Variants in KANK1 observed in about 807,000 individuals in gnomAD.
The protein encoded by KANK1 is KN motif and ankyrin repeat domain-containing protein 1.
Under a neutral mutation model 106.2 loss-of-function variants are expected in KANK1, and 109 were observed. That is an observed-to-expected ratio of 1.03 (90% CI 0.88 to 1.20). KANK1 has a LOEUF of 1.20. Among genes scored for constraint, KANK1 ranks in the 50% most tolerant of loss-of-function variants. KANK1 has a pLI of 0.00. For missense variants in KANK1, 2,399 were observed against 1,710.7 expected (o/e 1.40, Z -7.10); for synonymous variants, 873 against 652.2 (o/e 1.34, Z -5.16).
intron 3 of KANK1, chr9:492,097 G>T (rs572880850): frequency 2.6e-5 from 4 of 152,362 alleles, no homozygotes; most frequent in Admixed American, 1.3e-4. Flanking sequence ...GAGTGTTCCA[G>T]GAACAGCCAG....
chr9:610,826 A>G (rs1239765406), intron 1 of KANK1, among the ~76,000 whole-genome samples: 1 of 152,168 alleles, frequency 6.6e-6, no homozygotes, highest in Non-Finnish European at 1.5e-5. Flanking sequence ...CCAGAGGCAG[A>G]GATCATGTTT....
intron 10 of KANK1, among the ~76,000 whole-genome samples, chr9:742,892 C>G (rs1357045768): frequency 6.6e-6 from 1 of 152,198 alleles, no homozygotes; most frequent in African/African-American, 2.4e-5. Flanking sequence ...CAACATATGC[C>G]AGAGCCTGCA....
intron 1 of KANK1, among the ~76,000 whole-genome samples, chr9:526,029 T>C (rs1169349998): frequency 1.3e-5 from 2 of 151,856 alleles, no homozygotes; most frequent in Non-Finnish European, 2.9e-5. Flanking sequence ...GAGTTGTGCA[T>C]GCAAACCCAC....
At chr9:696,283 C>CAA (rs752946063) in intron 2 of KANK1, among the ~76,000 whole-genome samples, 31 of 86,098 alleles carry the variant, frequency 3.6e-4, no homozygotes, top group East Asian at 3.5e-4. Context: ...GACTCCGTCT[C>CAA]AAAAAAAAAA....
At position 547,033 on chromosome 9, in the gene KANK1, G is replaced by A. The variant is rs561701026; in HGVS notation, c.-84+42279G>A. ...TCATTATCTCAACAATGTCAAAATTGTGTTCCCAGATCGGTTGTTGTTTGA... is the reference window on the plus strand; with the variant it reads ...TCATTATCTCAACAATGTCAAAATTATGTTCCCAGATCGGTTGTTGTTTGA... On this transcript the variant is annotated intron_variant, in intron 1 of 11. Coordinates refer to ENST00000382297, the MANE Select transcript of KANK1 (RefSeq NM_015158.5). Among the ~76,000 whole-genome samples, 25 of 152,338 alleles carry A rather than the reference G, an allele frequency of 1.6e-4. No homozygotes were observed. The South Asian group carries it at 4.8e-3, about 29-fold the overall frequency.
chr9:742,168 T>C (rs756294125), intron 9 of KANK1, 37 bp from the exon 10 acceptor site: 8 of 1,588,254 alleles, frequency 5.0e-6, no homozygotes, highest in Non-Finnish European at 6.9e-6. Context: ...GCCAGCTCAG[T>C]ACGTACTTCT....
At chr9:600,285 C>T (rs1352042768) in intron 1 of KANK1, among the ~76,000 whole-genome samples, 1 of 151,714 alleles carries the variant, frequency 6.6e-6, no homozygotes, top group Non-Finnish European at 1.5e-5. Flanking sequence ...GAATCACACG[C>T]TGTCTGTCTT....
In KANK1 at chr9:712,496, T is replaced by G. The variant is rs1314712159; in HGVS notation, c.1730T>G (p.Met577Arg). 1.6e-5 allele frequency: 26 copies of G among 1,613,970 alleles called. No individual in the cohort carries two copies. The highest frequency in any genetic ancestry group is 1.9e-5 in the Non-Finnish European group (23 of 1,180,024). Reference sequence around the variant, plus strand: ...TGGATTGTTAAGGAGAGGGTGGAAATGCATGACCGATGTGCTGGGAGGTCT... The same window carrying G: ...TGGATTGTTAAGGAGAGGGTGGAAAGGCATGACCGATGTGCTGGGAGGTCT... The part of the protein sequence containing the change: ...NWWIVKERVE[M>R]HDRCAGRSVE... The change falls in exon 3 of 12, where the codon ATG becomes AGG. Residue 577 changes from methionine (M) to arginine (R), a missense_variant. Transcript: ENST00000382297.
rs1270760181 is a variant in KANK1 at position 713,289 on chromosome 9, G to C, written c.2523G>C (p.Leu841=). The C allele has an allele frequency of 6.2e-7, 1 of 1,614,030 alleles. No individual in the cohort carries two copies. Among genetic ancestry groups the C allele is most frequent in the East Asian group, 2.2e-5 (1 of 44,878 alleles). The part of the protein sequence containing the change: ...QKLLAEQQTL[L]AENYSELAEA... The stretch of plus-strand genomic sequence containing the variant: ...TGCTGGCAGAACAGCAGACACTGCT[G>C]GCTGAGAACTACAGTGAACTGGCAG... The change falls in exon 3 of 12, where the codon CTG becomes CTC. Residue 841 remains leucine, a synonymous_variant. Transcript: ENST00000382297.
At chr9:474,356 G>T (rs1209860550) in intron 3 of KANK1, among the ~76,000 whole-genome samples, 1 of 152,190 alleles carries the variant, frequency 6.6e-6, no homozygotes, top group Non-Finnish European at 1.5e-5. Flanking sequence ...TCAATGCCTT[G>T]TCCTGTCTCT....
intron 1 of KANK1, among the ~76,000 whole-genome samples, chr9:649,409 TGAA>T (rs1263161857): frequency 1.3e-5 from 2 of 152,150 alleles, no homozygotes; most frequent in African/African-American, 4.8e-5. Context: ...GAAAATTAAA[TGAA>T]GAGCCAGCAA....
intron 1 of KANK1, among the ~76,000 whole-genome samples, chr9:514,218 CCCTT>C (rs2059176845): frequency 8.4e-5 from 6 of 71,024 alleles, no homozygotes; most frequent in African/African-American, 5.7e-4. Flanking sequence ...CTCCCTCCCT[CCCTT>C]CCTCCCTCCC....
chr9:644,647 C>G (rs1839252893), intron 1 of KANK1, among the ~76,000 whole-genome samples: 1 of 150,790 alleles, frequency 6.6e-6, no homozygotes, highest in Admixed American at 6.6e-5. Context: ...GGTGCTGGCC[C>G]ATTCATGAGA....
chr9:661,105 T>C (rs1328221104), intron 1 of KANK1, among the ~76,000 whole-genome samples: 2 of 152,168 alleles, frequency 1.3e-5, no homozygotes, highest in Non-Finnish European at 2.9e-5. Context: ...CCCCTCCAGT[T>C]TTAATGTTAT....
At chr9:566,603 T>A (rs375618407) in intron 1 of KANK1, among the ~76,000 whole-genome samples, 2 of 152,246 alleles carry the variant, frequency 1.3e-5, no homozygotes, top group African/African-American at 4.8e-5. Context: ...GTTTCTCTAA[T>A]GATCGGTAAT....
chr9:638,465 T>G (rs1195947198), intron 1 of KANK1, among the ~76,000 whole-genome samples: 1 of 152,196 alleles, frequency 6.6e-6, no homozygotes, highest in African/African-American at 2.4e-5. Context: ...TCAGAGAGAT[T>G]GTTTGTTTCA....
chr9:734,952 T>A (rs1280736945), intron 7 of KANK1, 117 bp downstream of exon 7: 1 of 726,660 alleles, frequency 1.4e-6, no homozygotes, highest in Non-Finnish European at 2.4e-6. Context: ...TCCTGAACTG[T>A]TTCCAGCATG....
intron 1 of KANK1, chr9:673,608 A>C (rs1298753239): frequency 6.6e-6 from 1 of 152,156 alleles, no homozygotes; most frequent in Non-Finnish European, 1.5e-5. Context: ...GAAGGGTGGG[A>C]GGCACCAATT....
intron 8 of KANK1, among the ~76,000 whole-genome samples, chr9:739,938 T>C (rs967068953): frequency 3.3e-5 from 5 of 152,156 alleles, no homozygotes; most frequent in African/African-American, 9.7e-5. Flanking sequence ...ATTTTCTGCA[T>C]TAAAAACACC....
Sources: gnomAD v4.1 joint callset for allele counts (sites outside exome capture counted in the v4.1 genomes callset) on GRCh38, gnomAD v4.1.1 for gene constraint, MANE v1.5 for transcripts, NCBI Gene and HGNC (gene_info 2026-07-23, HGNC 2026-07-21) for gene names.